GUCY1A1: variants seen among roughly 807,000 people sequenced by gnomAD.
GUCY1A1 encodes guanylate cyclase soluble subunit alpha-1.
Under a neutral mutation model 64.5 loss-of-function variants are expected in GUCY1A1, and 48 were observed. That is an observed-to-expected ratio of 0.74 (90% CI 0.59 to 0.95). The LOEUF (loss-of-function observed/expected upper bound fraction) is 0.95. Ranked by LOEUF, GUCY1A1 falls within the 40% of genes least tolerant of loss-of-function variation. The pLI, the probability that GUCY1A1 is intolerant of heterozygous loss-of-function variation, is 0.00. For synonymous variants in GUCY1A1, 308 were observed against 303.4 expected, an observed-to-expected ratio of 1.02 and a Z score of -0.16; for missense variants, 804 against 825.3, an observed-to-expected ratio of 0.97 and a Z score of 0.32.
chr4:155,729,769 G>A (rs989613483), intron 9 of GUCY1A1, among the ~76,000 whole-genome samples: 1 of 151,788 alleles, frequency 6.6e-6, no homozygotes, highest in African/African-American at 2.4e-5. Flanking sequence ...GCACTGTTGT[G>A]TGGATATTAT....
chr4:155,721,167 G>A (rs1733909593), intron 8 of GUCY1A1, among the ~76,000 whole-genome samples: 1 of 150,138 alleles, frequency 6.7e-6, no homozygotes, highest in South Asian at 2.1e-4. Context: ...AGGAGGCTGA[G>A]ATGGGAGGAT....
At chr4:155,722,344 CT>C in intron 9 of GUCY1A1, 152 bp downstream of exon 9, 4 of 1,431,096 alleles carry the variant, frequency 2.8e-6, no homozygotes, top group East Asian at 2.5e-5. Context: ...CTCACTTTAA[CT>C]TTTTTACACT....
In GUCY1A1 at chr4:155,670,710, T is replaced by A. The variant is rs1164205598; in HGVS notation, c.-113+3291T>A. 2.0e-5 allele frequency among the ~76,000 whole-genome samples: 3 copies of A among 152,220 alleles called. No individual in the cohort carries two copies. The East Asian group carries it at 5.8e-4, about 29-fold the overall frequency. On this transcript the variant is annotated intron_variant, in intron 2 of 9. Coordinates refer to ENST00000506455, the MANE Select transcript of GUCY1A1 (RefSeq NM_001130682.3). ...TGCCACAAGAATGTGCCTCACAGCCTGTAGTTTCTAACTTCTGGTATGCTT... is the reference window on the plus strand; with the variant it reads ...TGCCACAAGAATGTGCCTCACAGCCAGTAGTTTCTAACTTCTGGTATGCTT...
chr4:155,698,145 A>T (rs1010458881), intron 3 of GUCY1A1, among the ~76,000 whole-genome samples: 3 of 152,212 alleles, frequency 2.0e-5, no homozygotes, highest in Non-Finnish European at 4.4e-5. Context: ...CTTGACCAAA[A>T]TTACACAGCT....
intron 2 of GUCY1A1, among the ~76,000 whole-genome samples, chr4:155,680,421 A>G (rs1032587035): frequency 4.6e-5 from 7 of 151,946 alleles, no homozygotes; most frequent in Non-Finnish European, 1.0e-4. Flanking sequence ...GTTATTTTGT[A>G]TATCCACTGG....
intron 9 of GUCY1A1, among the ~76,000 whole-genome samples, chr4:155,723,727 G>A (rs1356975681): frequency 6.6e-6 from 1 of 151,610 alleles, no homozygotes; most frequent in Non-Finnish European, 1.5e-5. Context: ...CAGCAGCTCA[G>A]TCTTGCCTCA....
chr4:155,707,604 T>TTA (rs568661109), intron 4 of GUCY1A1, among the ~76,000 whole-genome samples: 22 of 142,630 alleles, frequency 1.5e-4, no homozygotes, highest in Non-Finnish European at 2.6e-4. Flanking sequence ...GATATAAAGG[T>TTA]AAAAAAAAAA....
intron 4 of GUCY1A1, among the ~76,000 whole-genome samples, chr4:155,705,174 C>A (rs148476332): frequency 1.3e-5 from 2 of 152,212 alleles, no homozygotes; most frequent in Admixed American, 6.5e-5. Context: ...TACAGGCATG[C>A]GCCACTGCGC....
chr4:155,670,904 A>T (rs1316180923), intron 2 of GUCY1A1, among the ~76,000 whole-genome samples: 1 of 152,194 alleles, frequency 6.6e-6, no homozygotes, highest in Non-Finnish European at 1.5e-5. Flanking sequence ...TTAGGGGGGA[A>T]GCAAATGGGG....
intron 4 of GUCY1A1, among the ~76,000 whole-genome samples, chr4:155,705,433 C>T (rs1450358335): frequency 6.6e-6 from 1 of 150,542 alleles, no homozygotes; most frequent in Non-Finnish European, 1.5e-5. Context: ...CCTGTAATCC[C>T]AGCTAATCAG....
intron 9 of GUCY1A1, among the ~76,000 whole-genome samples, chr4:155,723,695 C>T (rs1248491170): frequency 2.0e-5 from 3 of 151,308 alleles, no homozygotes; most frequent in Non-Finnish European, 4.4e-5. Flanking sequence ...CTAAGTCTTG[C>T]TCTATGGCCC....
intron 7 of GUCY1A1, 82 bp from the exon 8 acceptor site, chr4:155,717,070 CTGCTATA>C: frequency 4.3e-6 from 4 of 940,546 alleles, no homozygotes; most frequent in Non-Finnish European, 6.2e-6. Flanking sequence ...AATGAGAATT[CTGCTATA>C]TGACTTAATT....
intron 2 of GUCY1A1, among the ~76,000 whole-genome samples, chr4:155,687,901 G>A (rs1336966323): frequency 1.3e-5 from 2 of 152,054 alleles, no homozygotes; most frequent in African/African-American, 2.4e-5. Flanking sequence ...TTATCTGCAT[G>A]AGACATGAGA....
At chr4:155,675,275 A>G (rs1198346390) in intron 2 of GUCY1A1, among the ~76,000 whole-genome samples, 1 of 151,640 alleles carries the variant, frequency 6.6e-6, no homozygotes. Flanking sequence ...AGTATTCCAT[A>G]GTATAACATA....
intron 2 of GUCY1A1, among the ~76,000 whole-genome samples, chr4:155,679,023 C>G (rs1735323708): frequency 2.0e-5 from 3 of 152,160 alleles, no homozygotes; most frequent in African/African-American, 7.2e-5. Context: ...AGTTGGAAAA[C>G]TGTATATTCT....
chr4:155,674,353 A>T (rs1205456924), intron 2 of GUCY1A1, among the ~76,000 whole-genome samples: 2 of 102 alleles, frequency 0.02, no homozygotes, highest in Non-Finnish European at 0.25. Context: ...GACTCCATCT[A>T]AAAAAAAAAA....
At chr4:155,724,356 A>G (rs1734377611) in intron 9 of GUCY1A1, among the ~76,000 whole-genome samples, 1 of 152,064 alleles carries the variant, frequency 6.6e-6, no homozygotes. Flanking sequence ...TTCTGCTACA[A>G]TTTTCAATTT....
At chr4:155,713,628 T>C in intron 7 of GUCY1A1, 45 bp downstream of exon 7, 1 of 1,588,010 alleles carries the variant, frequency 6.3e-7, no homozygotes. Flanking sequence ...GCAAACTCAC[T>C]GGGGAACAAG....
At chr4:155,690,371 A>G (rs897380906) in intron 2 of GUCY1A1, among the ~76,000 whole-genome samples, 2 of 152,076 alleles carry the variant, frequency 1.3e-5, no homozygotes, top group Non-Finnish European at 1.5e-5. Flanking sequence ...TTTTTGCCCA[A>G]CCCAGATCTA....
Sources: gnomAD v4.1 joint callset for allele counts (sites outside exome capture counted in the v4.1 genomes callset) on GRCh38, gnomAD v4.1.1 for gene constraint, MANE v1.5 for transcripts, NCBI Gene and HGNC (gene_info 2026-07-23, HGNC 2026-07-21) for gene names.